DIP2C: variants seen among roughly 807,000 people sequenced by gnomAD.
The protein encoded by DIP2C is disco-interacting protein 2 homolog C.
A neutral mutation model predicts 192.4 loss-of-function variants in DIP2C; 33 were observed. That is an observed-to-expected ratio of 0.17 (90% CI 0.13 to 0.23). The LOEUF is 0.23. Ranked by LOEUF, DIP2C falls within the 10% of genes least tolerant of loss-of-function variation. The pLI is 1.00. For missense variants in DIP2C, 1,537 were observed against 2,110.1 expected (o/e 0.73, Z 5.32); for synonymous variants, 979 against 864.1 (o/e 1.13, Z -2.33).
At chr10:451,724 C>A (rs939743610) in intron 3 of DIP2C, among the ~76,000 whole-genome samples, 4 of 152,162 alleles carry the variant, frequency 2.6e-5, no homozygotes, top group African/African-American at 7.2e-5. Context: ...AGTGTAACCA[C>A]TTTTGCCATC....
chr10:366,315 G>T lies in DIP2C; in HGVS notation c.2228C>A (p.Ser743Tyr). 1 of 1,613,884 alleles carries T rather than the reference G, an allele frequency of 6.2e-7. No individual in the cohort carries two copies. The highest frequency in any genetic ancestry group is 8.5e-7 in the Non-Finnish European group (1 of 1,179,954). ...LCVCAVATGT[S>Y]YYGLSGMTKN... Reference sequence around the variant, plus strand: ...GGTCATGCCAGAGAGGCCATAGTAGGACGTGCCCGTCGCAACTGCACACAC... The same window carrying T: ...GGTCATGCCAGAGAGGCCATAGTAGTACGTGCCCGTCGCAACTGCACACAC... The change falls in exon 19 of 37, where the codon TCC (serine) becomes TAC (tyrosine). Residue 743 changes from serine to tyrosine, a missense_variant. Around this residue, in one of 4 missense-constraint regions of DIP2C, gnomAD observed 677 missense variants for 989.9 expected, o/e 0.68. Coordinates refer to ENST00000280886, the MANE Select transcript of DIP2C (RefSeq NM_014974.3).
intron 1 of DIP2C, among the ~76,000 whole-genome samples, chr10:589,972 C>A (rs1041447255): frequency 5.9e-5 from 9 of 152,212 alleles, no homozygotes; most frequent in Non-Finnish European, 1.3e-4. Flanking sequence ...ATCACCGTAT[C>A]AAGATTCTGA....
intron 2 of DIP2C, among the ~76,000 whole-genome samples, chr10:473,215 T>C (rs1463332755): frequency 6.6e-6 from 1 of 152,210 alleles, no homozygotes; most frequent in Admixed American, 6.5e-5. Flanking sequence ...AATCCACCTG[T>C]CACATATTGA....
intron 1 of DIP2C, among the ~76,000 whole-genome samples, chr10:498,053 T>A (rs771819855): frequency 1.4e-4 from 21 of 152,106 alleles, no homozygotes; most frequent in Non-Finnish European, 2.4e-4. Flanking sequence ...GTATTTTTTG[T>A]AGAGATGGGG....
intron 28 of DIP2C, among the ~76,000 whole-genome samples, chr10:342,215 G>A (rs1378688908): frequency 2.6e-5 from 4 of 152,042 alleles, no homozygotes; most frequent in Admixed American, 6.6e-5. Context: ...CTGGAGTGCA[G>A]TGGTGCGATC....
At chr10:642,647 G>C (rs1257753168) in intron 1 of DIP2C, among the ~76,000 whole-genome samples, 1 of 152,250 alleles carries the variant, frequency 6.6e-6, no homozygotes, top group Non-Finnish European at 1.5e-5. Flanking sequence ...CGTGTGCCAC[G>C]GTCAGGGCTC....
intron 10 of DIP2C, among the ~76,000 whole-genome samples, chr10:396,219 G>C (rs914165789): frequency 2.0e-5 from 3 of 152,204 alleles, no homozygotes; most frequent in Admixed American, 2.0e-4. Flanking sequence ...TCTTAAATGT[G>C]TTACAGTGAA....
chr10:633,000 C>T (rs945195530), intron 1 of DIP2C, among the ~76,000 whole-genome samples: 4 of 152,238 alleles, frequency 2.6e-5, no homozygotes, highest in Non-Finnish European at 1.5e-5. Flanking sequence ...TCAGACGCAA[C>T]GGCACCCTCC....
At chr10:424,916 G>A (rs1047772569) in intron 4 of DIP2C, among the ~76,000 whole-genome samples, 5 of 152,164 alleles carry the variant, frequency 3.3e-5, no homozygotes, top group African/African-American at 4.8e-5. Flanking sequence ...TGACACGGAT[G>A]ATACAGCATA....
chr10:402,000 T>C (rs1217335877), intron 9 of DIP2C, among the ~76,000 whole-genome samples: 1 of 138,772 alleles, frequency 7.2e-6, no homozygotes, highest in East Asian at 2.2e-4. Context: ...ACATGTGTGG[T>C]AGCATTAGCA....
At chr10:513,251 T>C (rs1353495486) in intron 1 of DIP2C, among the ~76,000 whole-genome samples, 1 of 152,192 alleles carries the variant, frequency 6.6e-6, no homozygotes, top group East Asian at 1.9e-4. Context: ...ACAAAAGAAA[T>C]AAACATAAGC....
Position 354,510 on chromosome 10 carries a change from C to T in DIP2C, c.2985+1916G>A, listed in dbSNP as rs181051958. Among the ~76,000 whole-genome samples the T allele has an allele frequency of 5.8e-4, 88 of 152,250 alleles. 1 individual carries two copies. The highest frequency in any genetic ancestry group is 2.1e-3 in the African/African-American group (86 of 41,532). On this transcript the variant is annotated intron_variant, in intron 24 of 36. Transcript: ENST00000280886. The stretch of plus-strand genomic sequence containing the variant: ...ATGTTGCCCATGAACGTACCCAAAT[C>T]ATGTCTGAATCTTTGCGTATATGGG...
chr10:368,223 G>C (rs976963175), intron 18 of DIP2C, among the ~76,000 whole-genome samples: 51 of 149,832 alleles, frequency 3.4e-4, no homozygotes, highest in African/African-American at 1.2e-3. Context: ...CGGGAAGCCC[G>C]CGGTTGCTCT....
chr10:590,542 G>A (rs765490985), intron 1 of DIP2C, among the ~76,000 whole-genome samples: 1 of 152,198 alleles, frequency 6.6e-6, no homozygotes, highest in Non-Finnish European at 1.5e-5. Flanking sequence ...CAACGATGCA[G>A]GTGCCAGCTT....
intron 1 of DIP2C, among the ~76,000 whole-genome samples, chr10:565,481 T>G (rs1030871340): frequency 7.9e-5 from 12 of 152,290 alleles, no homozygotes; most frequent in African/African-American, 2.9e-4. Context: ...AAGATCCCTT[T>G]TTCCATCTTA....
In DIP2C at chr10:286,331, C is replaced by T. The variant is rs1331568073; in HGVS notation, c.4061G>A (p.Arg1354Gln). Residue 1354 changes from arginine (R) to glutamine (Q), a missense_variant, in exon 34 of 37, where the codon CGG becomes CAG. Transcript: ENST00000280886. ...TGTTTCTGGGTTGGCAATTATAATC[C>T]GAACCCCTGGAAGTATCTATTTGGG... ...MESGKILPGVRIIIANPETKG... is the reference protein window; with the variant it reads ...MESGKILPGVQIIIANPETKG... 6.8e-6 allele frequency: 11 copies of T among 1,613,938 alleles called. No individual in the cohort carries two copies. Among genetic ancestry groups the T allele is most frequent in the Non-Finnish European group, 9.3e-6 (11 of 1,179,968 alleles).
chr10:371,895 T>A (rs1961007901), intron 17 of DIP2C, among the ~76,000 whole-genome samples: 1 of 152,184 alleles, frequency 6.6e-6, no homozygotes, highest in Non-Finnish European at 1.5e-5. Flanking sequence ...GAATACGCTA[T>A]CTTAGTGATA....
chr10:462,791 C>A (rs1564742591), intron 3 of DIP2C, among the ~76,000 whole-genome samples: 3 of 152,154 alleles, frequency 2.0e-5, no homozygotes. Flanking sequence ...TGCTGGCAAA[C>A]TGAATCCAGC....
intron 32 of DIP2C, among the ~76,000 whole-genome samples, chr10:299,865 T>A (rs3132007): frequency 0.99 from 150,714 of 152,352 alleles, 74,568 homozygotes; most frequent in Middle Eastern, 1. Flanking sequence ...ACTTGAATAG[T>A]CATTTCTCTA....
Sources: gnomAD v4.1 joint callset for allele counts (sites outside exome capture counted in the v4.1 genomes callset) on GRCh38, gnomAD v4.1.1 for gene constraint, gnomAD v4.1.1 regional missense constraint, MANE v1.5 for transcripts, NCBI Gene and HGNC (gene_info 2026-07-23, HGNC 2026-07-21) for gene names.